Variants in DYRK1A observed in about 807,000 individuals in gnomAD.
DYRK1A encodes dual specificity tyrosine phosphorylation regulated kinase 1A.
In DYRK1A, 9 loss-of-function variants were observed where a neutral mutation model predicts 79.7. That is an observed-to-expected ratio of 0.11 (90% confidence interval 0.07 to 0.20). The LOEUF (loss-of-function observed/expected upper bound fraction) is 0.20. DYRK1A is among the 10% of genes least tolerant of loss of function. DYRK1A has a pLI of 1.00. For missense variants in DYRK1A, 622 were observed against 956.0 expected, an observed-to-expected ratio of 0.65 and a Z score of 4.61; for synonymous variants, 349 against 329.7, an observed-to-expected ratio of 1.06 and a Z score of -0.63.
chr21:37,411,046 CT>C (rs1339216627), intron 1 of DYRK1A, among the ~76,000 whole-genome samples: 6 of 39,780 alleles, frequency 1.5e-4, no homozygotes, highest in African/African-American at 6.5e-4. Context: ...GAGATTCTGT[CT>C]TTAAAAAAAA....
At chr21:37,488,846 A>G in intron 6 of DYRK1A, 2 of 985,372 alleles carry the variant, frequency 2.0e-6, no homozygotes, top group Non-Finnish European at 2.4e-6. Context: ...AAAGCCATCC[A>G]CAGACCATGA....
At chr21:37,421,477 C>G (rs757614639) in intron 2 of DYRK1A, among the ~76,000 whole-genome samples, 1 of 152,034 alleles carries the variant, frequency 6.6e-6, no homozygotes, top group South Asian at 2.1e-4. Flanking sequence ...GTAGAAGTCA[C>G]CATTTTAAGA....
At chr21:37,393,785 T>G (rs1173848066) in intron 1 of DYRK1A, among the ~76,000 whole-genome samples, 1 of 152,248 alleles carries the variant, frequency 6.6e-6, no homozygotes, top group Non-Finnish European at 1.5e-5. Flanking sequence ...CTGCTGGCAC[T>G]GGGCAGTCCA....
At chr21:37,490,044 G>C in intron 6 of DYRK1A, 131 bp from the exon 7 acceptor site, 1 of 902,462 alleles carries the variant, frequency 1.1e-6, no homozygotes. Context: ...ATTACAAAAT[G>C]CTGATCTCCA....
chr21:37,432,850 C>T (rs982855150), intron 2 of DYRK1A, among the ~76,000 whole-genome samples: 1 of 151,436 alleles, frequency 6.6e-6, no homozygotes, highest in Non-Finnish European at 1.5e-5. Context: ...GTGGTGCAAG[C>T]TTGTAATCCC....
At chr21:37,485,905 T>A (rs1234842488) in intron 5 of DYRK1A, among the ~76,000 whole-genome samples, 1 of 152,106 alleles carries the variant, frequency 6.6e-6, no homozygotes. Flanking sequence ...TGTGGAACTT[T>A]ACTGGTAATT....
chr21:37,374,302 A>T (rs2049492909), intron 1 of DYRK1A, among the ~76,000 whole-genome samples: 1 of 150,950 alleles, frequency 6.6e-6, no homozygotes, highest in Non-Finnish European at 1.5e-5. Context: ...CGAACACTGC[A>T]AGAAGGATGA....
At chr21:37,399,554 A>G (rs1325288216) in intron 1 of DYRK1A, among the ~76,000 whole-genome samples, 1 of 152,212 alleles carries the variant, frequency 6.6e-6, no homozygotes, top group African/African-American at 2.4e-5. Context: ...TTGTACTTTC[A>G]TGTTGTTGAC....
rs1360392252 is a variant in DYRK1A, at chr21:37,519,096, A to G, written c.*6565A>G. On this transcript the variant is annotated 3_prime_UTR_variant, in exon 12 of 12. Transcript: ENST00000647188. The stretch of plus-strand genomic sequence containing the variant: ...TCCTTTTTGTTGTCTTCCCTTGTGG[A>G]GATGGGTCAGTGTAACATCCTATTC... 1.3e-5 allele frequency: 2 copies of G among 152,218 alleles called. No individual in the cohort carries two copies. Among genetic ancestry groups the G allele is most frequent in the Non-Finnish European group, 2.9e-5 (2 of 68,028 alleles). 9.4% of individuals were successfully genotyped at this position (152,218 alleles called of 1,614,324 possible).
intron 2 of DYRK1A, among the ~76,000 whole-genome samples, chr21:37,458,750 T>C (rs547554509): frequency 1.3e-5 from 2 of 152,334 alleles, no homozygotes; most frequent in Admixed American, 6.5e-5. Flanking sequence ...ATGCTAACTT[T>C]GCACGCCGCA....
At chr21:37,487,584 C>A (rs1337570860) in intron 6 of DYRK1A, 1 of 152,100 alleles carries the variant, frequency 6.6e-6, no homozygotes, top group Admixed American at 6.6e-5. Context: ...TGTTCAGAAA[C>A]ACTGACCTTA....
chr21:37,480,057 A>G (rs910400945), intron 4 of DYRK1A, among the ~76,000 whole-genome samples: 2 of 152,170 alleles, frequency 1.3e-5, no homozygotes, highest in African/African-American at 4.8e-5. Context: ...AAAACTGGGC[A>G]TGTCTCAGAG....
intron 11 of DYRK1A, among the ~76,000 whole-genome samples, chr21:37,507,515 G>T (rs999182815): frequency 2.6e-5 from 4 of 152,070 alleles, no homozygotes; most frequent in African/African-American, 9.7e-5. Context: ...TCTCCTGCCG[G>T]TGTCAGCGGT....
intron 1 of DYRK1A, among the ~76,000 whole-genome samples, chr21:37,388,872 C>T (rs988953780): frequency 1.3e-5 from 2 of 151,874 alleles, no homozygotes; most frequent in Admixed American, 6.6e-5. Flanking sequence ...TCTCCATCTC[C>T]TGACCTCGTG....
intron 11 of DYRK1A, among the ~76,000 whole-genome samples, chr21:37,507,663 C>A (rs2053636204): frequency 9.0e-6 from 1 of 110,636 alleles, no homozygotes; most frequent in Non-Finnish European, 1.7e-5. Context: ...TTCTTTCCCT[C>A]CCCCCACCCC....
chr21:37,500,963 T>C (rs1284554694), intron 9 of DYRK1A, among the ~76,000 whole-genome samples: 1 of 151,462 alleles, frequency 6.6e-6, no homozygotes, highest in African/African-American at 2.4e-5. Context: ...ATTCTTGATC[T>C]AGTTTCTATT....
intron 2 of DYRK1A, among the ~76,000 whole-genome samples, chr21:37,449,235 T>A (rs2051367270): frequency 6.6e-6 from 1 of 152,234 alleles, no homozygotes; most frequent in Non-Finnish European, 1.5e-5. Flanking sequence ...GATAGTAATT[T>A]CTGTATTTAC....
At chr21:37,455,010 G>A (rs1338406951) in intron 2 of DYRK1A, among the ~76,000 whole-genome samples, 2 of 149,624 alleles carry the variant, frequency 1.3e-5, no homozygotes, top group South Asian at 2.1e-4. Flanking sequence ...GTTATTCAGG[G>A]GTGGTCACCT....
At chr21:37,401,464 T>A (rs1429211334) in intron 1 of DYRK1A, among the ~76,000 whole-genome samples, 1 of 151,310 alleles carries the variant, frequency 6.6e-6, no homozygotes, top group Non-Finnish European at 1.5e-5. Flanking sequence ...TTTCAGATAG[T>A]CTTGTTATTT....
Sources: gnomAD v4.1 joint callset for allele counts (sites outside exome capture counted in the v4.1 genomes callset) on GRCh38, gnomAD v4.1.1 for gene constraint, MANE v1.5 for transcripts, NCBI Gene and HGNC (gene_info 2026-07-23, HGNC 2026-07-21) for gene names.